Variants in GALC observed in about 807,000 individuals in gnomAD.
GALC encodes the protein galactosylceramidase.
Under a neutral mutation model 91.8 loss-of-function variants are expected in GALC, and 77 were observed. The ratio of observed to expected loss-of-function variants is 0.84; its 90% CI spans 0.70 to 1.01. The LOEUF (loss-of-function observed/expected upper bound fraction) is 1.01, where lower values mean the gene tolerates loss of function less well. Ranked by LOEUF, GALC falls within the 50% of genes least tolerant of loss-of-function variation. The pLI is 0.00. For missense variants in GALC, 882 were observed against 855.9 expected (o/e 1.03, Z -0.38); for synonymous variants, 357 against 306.7 (o/e 1.16, Z -1.71).
chr14:87,993,326 G>A, upstream of GALC: 1 of 1,536,104 alleles, frequency 6.5e-7, no homozygotes, highest in African/African-American at 1.4e-5. Flanking sequence ...GAAGCAGCGA[G>A]CTTTTTCTTA....
intron 7 of GALC, among the ~76,000 whole-genome samples, chr14:87,972,230 A>G (rs1262706867): frequency 2.0e-5 from 3 of 152,226 alleles, no homozygotes; most frequent in Non-Finnish European, 4.4e-5. Context: ...ACCTCTATAT[A>G]TAACAACATG....
At position 87,933,724 on chromosome 14, in the gene GALC, T is replaced by A; in HGVS notation, c.*1008A>T. On this transcript the variant is annotated 3_prime_UTR_variant, in exon 17 of 17. Coordinates refer to ENST00000261304, the MANE Select transcript of GALC (RefSeq NM_000153.4). Reference sequence around the variant, plus strand: ...GAGCCACATTAATGCTTAGTATAAATCATACAACATGATGAACACGCTCAC... The same window carrying A: ...GAGCCACATTAATGCTTAGTATAAAACATACAACATGATGAACACGCTCAC... 1 of 447,182 alleles carries A rather than the reference T, an allele frequency of 2.2e-6. No homozygotes were observed. The highest frequency in any genetic ancestry group is 4.0e-6 in the Non-Finnish European group (1 of 251,246). 27.7% of individuals were successfully genotyped at this position (447,182 alleles called of 1,614,324 possible).
At chr14:87,982,655 T>C (rs1886798187) in intron 5 of GALC, among the ~76,000 whole-genome samples, 1 of 152,200 alleles carries the variant, frequency 6.6e-6, no homozygotes, top group South Asian at 2.1e-4. Context: ...GTATACTGTA[T>C]AGAAGGCATA....
In GALC at chr14:87,952,690, T is replaced by C. The variant is rs536122298; in HGVS notation, c.1162-1942A>G. ...GAAAACTATGAAGTCCCAGAATCTA[T>C]TGGTCTCCAGATCTTAGTGGTCATT... On this transcript the variant is annotated intron_variant, in intron 10 of 16. Coordinates refer to ENST00000261304, the MANE Select transcript of GALC (RefSeq NM_000153.4). The C allele has an allele frequency of 5.1e-5, 77 of 1,509,866 alleles. No homozygotes were observed. In the African/African-American group the frequency reaches 5.2e-4, roughly 10 times the overall value. 93.5% of individuals were successfully genotyped at this position (1,509,866 alleles called of 1,614,324 possible).
At chr14:87,952,055 T>C (rs898750700) in intron 10 of GALC, among the ~76,000 whole-genome samples, 1 of 150,168 alleles carries the variant, frequency 6.7e-6, no homozygotes, top group African/African-American at 2.4e-5. Flanking sequence ...CAAAAAACTG[T>C]GGAAATAAAA....
chr14:87,961,639 C>T (rs368575459), intron 10 of GALC, among the ~76,000 whole-genome samples: 21 of 152,186 alleles, frequency 1.4e-4, no homozygotes, highest in East Asian at 1.3e-3. Context: ...CTTCTCCTTT[C>T]TCCTCTGAAG....
intron 10 of GALC, chr14:87,952,730 C>T (rs1485180075): frequency 6.6e-7 from 1 of 1,517,948 alleles, no homozygotes; most frequent in Admixed American, 1.7e-5. Flanking sequence ...ACTTAGCAAA[C>T]TGTATGAATA....
Position 87,934,310 on chromosome 14 carries a change from T to C in GALC, c.*422A>G. On this transcript the variant is annotated 3_prime_UTR_variant, in exon 17 of 17. Transcript: ENST00000261304. The stretch of plus-strand genomic sequence containing the variant: ...CTATTATGGCAGCATCATCTTGTGA[T>C]GAAGACACTGGCTCACTTGGACACA... 1 of 1,286,032 alleles carries C rather than the reference T, an allele frequency of 7.8e-7. No homozygotes were observed. 79.7% of individuals were successfully genotyped at this position (1,286,032 alleles called of 1,614,324 possible). A position where few individuals can be genotyped will look rare whatever the true frequency, so the allele number is the denominator to read the frequency against.
chr14:87,934,851 C>T lies in GALC; in HGVS notation c.1939G>A (p.Asp647Asn). The change falls in exon 17 of 17, where the codon GAC (aspartate) becomes AAC (asparagine). Residue 647 changes from aspartate (D) to asparagine (N), a missense_variant. Coordinates refer to ENST00000261304, the MANE Select transcript of GALC (RefSeq NM_000153.4). ...KGHFTSGMLNDKSLWTDIPVN... is the reference protein window; with the variant it reads ...KGHFTSGMLNNKSLWTDIPVN... ...GGGATGTCTGTCCACAGAGACTTGT[C>T]ATTCAGCATGCCAGAGGTGAAATGA... 6.2e-7 allele frequency: 1 copy of T among 1,612,626 alleles called. No individual in the cohort carries two copies. Among genetic ancestry groups the T allele is most frequent in the Non-Finnish European group, 8.5e-7 (1 of 1,178,958 alleles).
At position 87,934,040 on chromosome 14, in the gene GALC, C is replaced by G. The variant is rs1245810001; in HGVS notation, c.*692G>C. On this transcript the variant is annotated 3_prime_UTR_variant, in exon 17 of 17. Transcript: ENST00000261304. The stretch of plus-strand genomic sequence containing the variant: ...CAGAGAGTTATAGTGGTTACAAGAC[C>G]AAAACTTGGAATCAAAAAAATTAAA... 4.6e-6 allele frequency: 7 copies of G among 1,533,018 alleles called. No individual in the cohort carries two copies. The East Asian group carries it at 1.7e-4, about 37-fold the overall frequency. 95.0% of individuals were successfully genotyped at this position (1,533,018 alleles called of 1,614,324 possible).
chr14:87,967,021 C>G (rs1886083841), intron 8 of GALC, among the ~76,000 whole-genome samples: 1 of 152,110 alleles, frequency 6.6e-6, no homozygotes, highest in African/African-American at 2.4e-5. Context: ...TTCACAATGT[C>G]TGGGCAGCTG....
intron 10 of GALC, among the ~76,000 whole-genome samples, chr14:87,955,919 G>A (rs140289454): frequency 3.3e-5 from 5 of 151,144 alleles, no homozygotes; most frequent in East Asian, 1.9e-4. Context: ...AGAGTATGCC[G>A]AGTATTAATA....
intron 9 of GALC, among the ~76,000 whole-genome samples, chr14:87,964,841 T>A (rs1418469238): frequency 2.0e-5 from 3 of 152,134 alleles, no homozygotes; most frequent in Admixed American, 2.0e-4. Context: ...TTTCAACTGT[T>A]TCTAACATCT....
intron 4 of GALC, 96 bp from the exon 5 acceptor site, chr14:87,984,629 T>A: frequency 7.9e-7 from 1 of 1,273,810 alleles, no homozygotes; most frequent in Admixed American, 2.0e-5. Context: ...AGCATTCAAC[T>A]AGCAAAAAAC....
intron 10 of GALC, among the ~76,000 whole-genome samples, chr14:87,957,945 T>C (rs1885627388): frequency 6.6e-6 from 1 of 152,150 alleles, no homozygotes; most frequent in African/African-American, 2.4e-5. Flanking sequence ...CAAAGCAATC[T>C]ACATATTCAG....
At chr14:87,969,142 A>G (rs1235453711) in intron 7 of GALC, among the ~76,000 whole-genome samples, 3 of 152,194 alleles carry the variant, frequency 2.0e-5, no homozygotes, top group Non-Finnish European at 2.9e-5. Flanking sequence ...CTCAACCCAG[A>G]TGATTTTTGT....
Position 87,949,888 on chromosome 14 carries a change from T to G in GALC, c.1295A>C (p.Lys432Thr), listed in dbSNP as rs753002105. The G allele has an allele frequency of 1.1e-5, 18 of 1,600,600 alleles. No individual in the cohort carries two copies. Among genetic ancestry groups the G allele is most frequent in the Non-Finnish European group, 1.5e-5 (18 of 1,168,556 alleles). The change falls in exon 12 of 17, where the codon AAA becomes ACA. Residue 432 changes from lysine to threonine, a missense_variant. Physicochemically the swap from Lys to Thr is moderately conservative, Grantham distance 78. Transcript: ENST00000261304. ...CTTAAAAAGAAATCTTTCGGATGTT[T>G]TTCCAAGTTTGGTATACCATACCTG... The part of the protein sequence containing the change: ...ELQVWYTKLG[K>T]TSERFLFKQL...
At chr14:87,977,863 G>A (rs570143064) in intron 6 of GALC, among the ~76,000 whole-genome samples, 63 of 152,258 alleles carry the variant, frequency 4.1e-4, no homozygotes, top group Admixed American at 9.2e-4. Context: ...TTTAGAAAAC[G>A]GGGTGAAAAT....
At chr14:87,991,393 G>T (rs552174944) in intron 1 of GALC, among the ~76,000 whole-genome samples, 8 of 152,096 alleles carry the variant, frequency 5.3e-5, no homozygotes, top group African/African-American at 1.9e-4. Flanking sequence ...TAGTAGAGAC[G>T]GGGTTTCACC....
Sources: gnomAD v4.1 joint callset for allele counts (sites outside exome capture counted in the v4.1 genomes callset) on GRCh38, gnomAD v4.1.1 for gene constraint, MANE v1.5 for transcripts, NCBI Gene and HGNC (gene_info 2026-07-23, HGNC 2026-07-21) for gene names.